The following GPC6 variants were observed in gnomAD, a reference collection of about 807,000 sequenced individuals.
The protein encoded by GPC6 is glypican 6.
In GPC6, 14 loss-of-function variants were observed where a neutral mutation model predicts 55.2. The ratio of observed to expected loss-of-function variants is 0.25; its 90% CI spans 0.17 to 0.40. The LOEUF is 0.40. GPC6 is among the 10% of genes least tolerant of loss of function. The probability of loss-of-function intolerance (pLI) is 1.00; values close to 1 mark genes in which losing one functional copy is unlikely to be tolerated. For missense variants in GPC6, 641 were observed against 708.5 expected (o/e 0.90, Z 1.08); for synonymous variants, 278 against 259.6 (o/e 1.07, Z -0.68).
chr13:94,023,236 T>C (rs1882768361), intron 3 of GPC6, among the ~76,000 whole-genome samples: 1 of 152,026 alleles, frequency 6.6e-6, no homozygotes, highest in Non-Finnish European at 1.5e-5. Flanking sequence ...AAATTTTAAG[T>C]ATGAGTTTTT....
intron 3 of GPC6, among the ~76,000 whole-genome samples, chr13:93,934,540 A>T (rs995029023): frequency 1.3e-5 from 2 of 152,152 alleles, no homozygotes; most frequent in African/African-American, 2.4e-5. Context: ...CACCACCTCT[A>T]CCTAGTCTGA....
At chr13:93,446,071 ATCT>A (rs1266507435) in intron 1 of GPC6, among the ~76,000 whole-genome samples, 2 of 152,226 alleles carry the variant, frequency 1.3e-5, no homozygotes, top group Non-Finnish European at 2.9e-5. Flanking sequence ...ATTGAAAGAA[ATCT>A]TCTTGGGTTT....
chr13:93,842,381 T>C (rs1356636008), intron 3 of GPC6, among the ~76,000 whole-genome samples: 1 of 152,142 alleles, frequency 6.6e-6, no homozygotes, highest in Non-Finnish European at 1.5e-5. Flanking sequence ...CCATAAAATA[T>C]CAAAAATATC....
intron 4 of GPC6, among the ~76,000 whole-genome samples, chr13:94,038,417 C>T (rs953321274): frequency 8.6e-5 from 13 of 151,750 alleles, no homozygotes; most frequent in African/African-American, 2.7e-4. Flanking sequence ...ATAACCTGGA[C>T]CTGAGATCTG....
chr13:93,944,169 A>ATTTT lies in GPC6; in HGVS notation c.712-83559_712-83556dup, dbSNP rs1399041473. On this transcript the variant is annotated intron_variant, in intron 3 of 8. Coordinates refer to ENST00000377047, the MANE Select transcript of GPC6 (RefSeq NM_005708.5). Reference sequence around the variant, plus strand: ...AAACAAATTCCAGTTTCTTCCTTTTATTTTATTTATTTATTTATTTATTTA... The same window carrying ATTTT: ...AAACAAATTCCAGTTTCTTCCTTTTATTTTTTTTATTTATTTATTTATTTATTTA... Among the ~76,000 whole-genome samples the ATTTT allele has an allele frequency of 2.2e-5, 3 of 138,212 alleles. No homozygotes were observed. The Admixed American group carries it at 2.3e-4, about 11-fold the overall frequency. 90.7% of individuals were successfully genotyped at this position (138,212 alleles called of 152,430 possible).
intron 1 of GPC6, among the ~76,000 whole-genome samples, chr13:93,336,400 G>A (rs563080093): frequency 5.1e-4 from 78 of 152,266 alleles, no homozygotes; most frequent in African/African-American, 1.6e-3. Flanking sequence ...AGATTTGGAT[G>A]TCTTCCAGTA....
intron 1 of GPC6, among the ~76,000 whole-genome samples, chr13:93,435,219 A>T (rs1461424663): frequency 6.6e-6 from 1 of 151,954 alleles, no homozygotes; most frequent in Non-Finnish European, 1.5e-5. Context: ...GGCCCAAGTG[A>T]TCCTCCTGCC....
At chr13:93,925,449 T>G (rs1346486206) in intron 3 of GPC6, among the ~76,000 whole-genome samples, 1 of 152,168 alleles carries the variant, frequency 6.6e-6, no homozygotes, top group East Asian at 1.9e-4. Flanking sequence ...AAATTTGAGT[T>G]GGTTATAAGA....
At position 93,786,564 on chromosome 13, in the gene GPC6, AG is replaced by A. The variant is rs775187924; in HGVS notation, c.320-43589del. Among the ~76,000 whole-genome samples the A allele has an allele frequency of 3.3e-5, 5 of 152,162 alleles. No individual in the cohort carries two copies. The South Asian group carries it at 1.0e-3, about 32-fold the overall frequency. On this transcript the variant is annotated intron_variant, in intron 2 of 8. Transcript: ENST00000377047. ...AGCTACTATACATGGCCAGCCAGTC[AG>A]CTGTAAAATTTCCAGTTGAAAAAAA...
intron 1 of GPC6, among the ~76,000 whole-genome samples, chr13:93,319,683 A>G (rs575588529): frequency 7.9e-5 from 12 of 152,280 alleles, no homozygotes; most frequent in Admixed American, 3.3e-4. Context: ...AAGTAATAAA[A>G]TTAAGTCCCA....
At chr13:94,051,554 CCGTATTGCTGGA>C (rs1883949315) in intron 4 of GPC6, among the ~76,000 whole-genome samples, 2 of 152,198 alleles carry the variant, frequency 1.3e-5, no homozygotes, top group South Asian at 4.1e-4. Flanking sequence ...TTTCCAAATT[CCGTATTGCTGGA>C]CGTGTTCAAA....
At chr13:94,267,311 A>G (rs9516377) in intron 4 of GPC6, among the ~76,000 whole-genome samples, 134,907 of 152,188 alleles carry the variant, frequency 0.89, 59,910 homozygotes, top group East Asian at 0.94. Context: ...TAGCTTGGAA[A>G]TGTGTGGAAT....
intron 2 of GPC6, among the ~76,000 whole-genome samples, chr13:93,571,213 C>G (rs950068683): frequency 1.3e-5 from 2 of 152,012 alleles, no homozygotes; most frequent in African/African-American, 4.8e-5. Flanking sequence ...CATTCTCGTC[C>G]CAAGCCTAGC....
intron 2 of GPC6, among the ~76,000 whole-genome samples, chr13:93,760,689 G>C (rs761569825): frequency 3.9e-5 from 6 of 152,148 alleles, no homozygotes; most frequent in African/African-American, 1.4e-4. Flanking sequence ...TATACATGCC[G>C]AAGTAAATCA....
intron 4 of GPC6, among the ~76,000 whole-genome samples, chr13:94,210,993 C>T (rs908810011): frequency 3.3e-5 from 5 of 152,152 alleles, no homozygotes; most frequent in Admixed American, 6.6e-5. Flanking sequence ...CAACCACTTT[C>T]GTCTGTGTGG....
In GPC6 at chr13:94,100,244, T is replaced by TA. The variant is rs545357844; in HGVS notation, c.877+72351dup. 5.9e-3 allele frequency among the ~76,000 whole-genome samples: 905 copies of TA among 152,236 alleles called. 6 individuals are homozygous for TA. The highest frequency in any genetic ancestry group is 9.8e-3 in the Non-Finnish European group (669 of 67,998). On this transcript the variant is annotated intron_variant, in intron 4 of 8. Transcript: ENST00000377047. ...TAAATGAAGAAGAAAGCTAAGCAAA[T>TA]AGAGTTTTTATTCTTTTTGTTTATT... is the stretch of plus-strand genomic sequence containing the variant.
intron 3 of GPC6, among the ~76,000 whole-genome samples, chr13:93,987,606 G>A (rs1881088614): frequency 6.6e-6 from 1 of 152,100 alleles, no homozygotes; most frequent in Admixed American, 6.6e-5. Context: ...GATGACATAA[G>A]TGTCACTTTC....
chr13:93,227,549 A>C lies in GPC6; in HGVS notation c.93A>C (p.Gly31=), dbSNP rs531412902. The change falls in exon 1 of 9, where the codon GGA becomes GGC. Residue 31 remains glycine (G), a synonymous_variant. Transcript: ENST00000377047. The surrounding 1 kb of genome is among the most constrained non-coding windows in gnomAD (Gnocchi z 4.3). Reference sequence around the variant, plus strand: ...CGGATGTGAAGGCTCGGAGCTGCGGAGAGGTCCGCCAGGCGTACGGTGCCA... The same window carrying C: ...CGGATGTGAAGGCTCGGAGCTGCGGCGAGGTCCGCCAGGCGTACGGTGCCA... The part of the protein sequence containing the change: ...AGADVKARSC[G]EVRQAYGAKG... 1 of 1,613,350 alleles carries C rather than the reference A, an allele frequency of 6.2e-7. No homozygotes were observed. The highest frequency in any genetic ancestry group is 1.1e-5 in the South Asian group (1 of 91,078).
chr13:93,972,195 G>A (rs975198556), intron 3 of GPC6, among the ~76,000 whole-genome samples: 1 of 152,168 alleles, frequency 6.6e-6, no homozygotes, highest in African/African-American at 2.4e-5. Flanking sequence ...CTTTGGATTG[G>A]CAAGATTTGT....
Sources: gnomAD v4.1 joint callset for allele counts (sites outside exome capture counted in the v4.1 genomes callset) on GRCh38, gnomAD v4.1.1 for gene constraint, Gnocchi (gnomAD v3.1) non-coding constraint, MANE v1.5 for transcripts, NCBI Gene and HGNC (gene_info 2026-07-23, HGNC 2026-07-21) for gene names.